KMT2D: variants seen among roughly 807,000 people sequenced by gnomAD.
KMT2D encodes lysine methyltransferase 2D.
Under a neutral mutation model 512.7 loss-of-function variants are expected in KMT2D, and 55 were observed. The ratio of observed to expected loss-of-function variants is 0.11; its 90% CI spans 0.09 to 0.13. The LOEUF (loss-of-function observed/expected upper bound fraction) is 0.13, where lower values mean the gene tolerates loss of function less well. KMT2D is among the 10% of genes least tolerant of loss of function. KMT2D has a pLI of 1.00. For missense variants in KMT2D, 6,061 were observed against 7,127.9 expected, an observed-to-expected ratio of 0.85 and a Z score of 5.39; for synonymous variants, 2,995 against 2,904.0, an observed-to-expected ratio of 1.03 and a Z score of -1.01.
In KMT2D at chr12:49,037,496, G is replaced by A. The variant is rs2120480064; in HGVS notation, c.9860C>T (p.Ser3287Phe). Residue 3287 changes from serine to phenylalanine, a missense_variant, in exon 35 of 55, where the codon TCT (serine) becomes TTT (phenylalanine). Physicochemically the swap from Ser to Phe is radical, Grantham distance 155. Around this residue, in one of 16 missense-constraint regions of KMT2D, gnomAD observed 533 missense variants for 539.6 expected, o/e 0.99. Coordinates refer to ENST00000301067, the MANE Select transcript of KMT2D (RefSeq NM_003482.4). ...CATGGCCTGGGCAGGGCCTGGTGCA[G>A]ACAGTAGGGAATGCTGCTGCTGCTG... ...QQQQQQHSLL[S>F]APGPAQAMSL... 1.3e-6 allele frequency: 2 copies of A among 1,558,510 alleles called. No homozygotes were observed. Among genetic ancestry groups the A allele is most frequent in the Non-Finnish European group, 1.7e-6 (2 of 1,151,076 alleles).
Position 49,021,666 on chromosome 12 carries a change from C to T in KMT2D, c.*114G>A, listed in dbSNP as rs1942333594. Reference sequence around the variant, plus strand: ...CCTGCTCCAGGGGCTCCGGGTCAGCCGGCAGCCCCAACCCTGGGTCCTGGC... The same window carrying T: ...CCTGCTCCAGGGGCTCCGGGTCAGCTGGCAGCCCCAACCCTGGGTCCTGGC... On this transcript the variant is annotated 3_prime_UTR_variant, in exon 55 of 55. Transcript: ENST00000301067. 4.5e-6 allele frequency: 4 copies of T among 896,252 alleles called. No individual in the cohort carries two copies. The highest frequency in any genetic ancestry group is 5.2e-6 in the Non-Finnish European group (3 of 580,720). The allele number at this position is 896,252 out of a possible 1,614,324, so 55.5% of individuals were successfully genotyped here.
At position 49,041,140 on chromosome 12, in the gene KMT2D, C is replaced by G. The variant is rs756396522; in HGVS notation, c.6630G>C (p.Pro2210=). The G allele has an allele frequency of 6.6e-7, 1 of 1,525,230 alleles. No individual in the cohort carries two copies. The highest frequency in any genetic ancestry group is 8.8e-7 in the Non-Finnish European group (1 of 1,140,218). The allele number at this position is 1,525,230 out of a possible 1,614,324, so 94.5% of individuals were successfully genotyped here. ...CAGGACGAGATGAGGCGCCCAGCATCGGGGGCTGCGCAGGGGCCCCCGTAG... is the reference window on the plus strand; with the variant it reads ...CAGGACGAGATGAGGCGCCCAGCATGGGGGGCTGCGCAGGGGCCCCCGTAG... ...PSPTGAPAQP[P]MLGASSRPGA... The change falls in exon 32 of 55, where the codon CCG becomes CCC. Residue 2210 remains proline, a synonymous_variant. Transcript: ENST00000301067. This position sits in a 1 kb window ranked among gnomAD's most constrained non-coding sequence, Gnocchi z 5.4.
Position 49,052,917 on chromosome 12 carries a change from G to A in KMT2D, c.1110C>T (p.Ser370=). ...CTCAGTCAGTCCCCACCACTTACCT[G>A]CTACACACCGGGGTATGCTGCTCAG... ...SVAEQHTPVC[S]RFSPPEPGDT... The change falls in exon 9 of 55, where the codon AGC becomes AGT. Residue 370 remains serine, a splice_region_variant and synonymous_variant. Coordinates refer to ENST00000301067, the MANE Select transcript of KMT2D (RefSeq NM_003482.4). 1.2e-6 allele frequency: 2 copies of A among 1,613,944 alleles called. No individual in the cohort carries two copies. Among genetic ancestry groups the A allele is most frequent in the Non-Finnish European group, 1.7e-6 (2 of 1,179,834 alleles).
rs1477770161 is a variant in KMT2D at position 49,037,908 on chromosome 12, G to A, written c.9448C>T (p.Leu3150Phe). The change falls in exon 35 of 55, where the codon CTT becomes TTT. Residue 3150 changes from leucine (L) to phenylalanine (F), a missense_variant. Around this residue, in one of 16 missense-constraint regions of KMT2D, gnomAD observed 533 missense variants for 539.6 expected, o/e 0.99. Coordinates refer to ENST00000301067, the MANE Select transcript of KMT2D (RefSeq NM_003482.4). ...TGTCCTGGCTTTAGCCCCAGGCCAA[G>A]GGAATTGGCAGCAGGTGCGGGCTCT... ...KVEPAPAANSLGLGLKPGQSM... is the reference protein window; with the variant it reads ...KVEPAPAANSFGLGLKPGQSM... 1.9e-6 allele frequency: 3 copies of A among 1,604,362 alleles called. No homozygotes were observed. Among genetic ancestry groups the A allele is most frequent in the Middle Eastern group, 3.3e-4 (2 of 6,056 alleles).
In KMT2D at chr12:49,046,971, A is replaced by G. The variant is rs1288626502; in HGVS notation, c.4237-181T>C. Among the ~76,000 whole-genome samples the G allele has an allele frequency of 6.6e-6, 1 of 151,854 alleles. No homozygotes were observed. The highest frequency in any genetic ancestry group is 1.5e-5 in the Non-Finnish European group (1 of 67,944). ...AGTGATTCTCTTGTCTCAGCCTCCCAAGTAGCTGAGATTACAGGCACCTGC... is the reference window on the plus strand; with the variant it reads ...AGTGATTCTCTTGTCTCAGCCTCCCGAGTAGCTGAGATTACAGGCACCTGC... On this transcript the variant is annotated intron_variant, in intron 15 of 54. Coordinates refer to ENST00000301067, the MANE Select transcript of KMT2D (RefSeq NM_003482.4). This position sits in a 1 kb window ranked among gnomAD's most constrained non-coding sequence, Gnocchi z 4.2.
At position 49,054,486 on chromosome 12, in the gene KMT2D, C is replaced by T. The variant is rs2120709944; in HGVS notation, c.400+42G>A. On this transcript the variant is annotated intron_variant, in intron 4 of 54. Coordinates refer to ENST00000301067, the MANE Select transcript of KMT2D (RefSeq NM_003482.4). The surrounding 1 kb of genome is among the most constrained non-coding windows in gnomAD (Gnocchi z 6.4). ...AAAGAGGATTGCTGGCTCAGGACTA[C>T]CCAGCCCTTATCCCATTTCCTGCCC... The T allele has an allele frequency of 6.3e-7, 1 of 1,580,824 alleles. No individual in the cohort carries two copies.
In KMT2D at chr12:49,021,724, T is replaced by G; in HGVS notation, c.*56A>C. On this transcript the variant is annotated 3_prime_UTR_variant, in exon 55 of 55. Transcript: ENST00000301067. ...GCTACCTCTCTTCCCCCTCATCCCT[T>G]TCAGGGAAGAGGTTGTGGGTAGGGG... The G allele has an allele frequency of 7.3e-7, 1 of 1,373,796 alleles. No homozygotes were observed. The highest frequency in any genetic ancestry group is 1.0e-6 in the Non-Finnish European group (1 of 964,790). The allele number at this position is 1,373,796 out of a possible 1,614,324, so 85.1% of individuals were successfully genotyped here. A position where few individuals can be genotyped will look rare whatever the true frequency, so the allele number is the denominator to read the frequency against.
Position 49,019,426 on chromosome 12 carries a change from C to A in KMT2D, c.*2354G>T, listed in dbSNP as rs537330938. ...ACAGGCAGGGTACTTAAAAAAAAAACCAACCAAAATTCCAACCTTGTAGCT... is the reference window on the plus strand; with the variant it reads ...ACAGGCAGGGTACTTAAAAAAAAAAACAACCAAAATTCCAACCTTGTAGCT... On this transcript the variant is annotated 3_prime_UTR_variant, in exon 55 of 55. Transcript: ENST00000301067. 3.4e-4 allele frequency: 74 copies of A among 220,422 alleles called. No homozygotes were observed. The highest frequency in any genetic ancestry group is 7.3e-4 in the South Asian group (4 of 5,464). The allele number at this position is 220,422 out of a possible 1,614,324, so 13.7% of individuals were successfully genotyped here.
At chr12:49,043,274 CCT>C (rs1943623175) in intron 25 of KMT2D, 87 bp downstream of exon 25, 67 of 1,552,706 alleles carry the variant, frequency 4.3e-5, no homozygotes, top group Non-Finnish European at 5.8e-5. Flanking sequence ...CAGTTTCCAG[CCT>C]CCAACACTGA....
In KMT2D at chr12:49,031,795, G is replaced by A. The variant is rs1310000069; in HGVS notation, c.12910C>T (p.Pro4304Ser). 2.5e-6 allele frequency: 4 copies of A among 1,602,220 alleles called. No homozygotes were observed. Among genetic ancestry groups the A allele is most frequent in the Non-Finnish European group, 2.6e-6 (3 of 1,173,542 alleles). ...GALSTGPVLG[P>S]VHPTPPPSSP... is the part of the protein sequence containing the mutation. ...GATGGTGGAGGTGTGGGATGGACAG[G>A]GCCAAGGACTGGTCCTGTAGATAAG... The change falls in exon 40 of 55, where the codon CCT becomes TCT. Residue 4304 changes from proline (P) to serine (S), a missense_variant. Pro to Ser is a moderately conservative substitution (Grantham distance 74). This residue lies in a region of KMT2D where 1,600 missense variants were observed against 1,754.9 expected (regional missense o/e 0.91). Coordinates refer to ENST00000301067, the MANE Select transcript of KMT2D (RefSeq NM_003482.4).
At chr12:49,045,410 G>A (rs1417831788) in intron 19 of KMT2D, among the ~76,000 whole-genome samples, 3 of 152,158 alleles carry the variant, frequency 2.0e-5, no homozygotes, top group Non-Finnish European at 2.9e-5. Flanking sequence ...TTGGGAGGCC[G>A]AGGCTGGCAG....
In KMT2D at chr12:49,043,931, C is replaced by T. The variant is rs2120575730; in HGVS notation, c.5256G>A (p.Lys1752=). The change falls in exon 23 of 55, where the codon AAG becomes AAA. Residue 1752 remains lysine (K), a synonymous_variant. Coordinates refer to ENST00000301067, the MANE Select transcript of KMT2D (RefSeq NM_003482.4). ...TCTTGCGCCCTCGCCGCTGTTGCTT[C>T]TTCTTCTCATCCCCTTCAGCTAAGC... ...EQSLAEGDEK[K]KQQRRGRKKS... 1 of 1,614,046 alleles carries T rather than the reference C, an allele frequency of 6.2e-7. No homozygotes were observed. Among genetic ancestry groups the T allele is most frequent in the Non-Finnish European group, 8.5e-7 (1 of 1,179,900 alleles).
At position 49,041,773 on chromosome 12, in the gene KMT2D, G is replaced by A. The variant is rs1943544020; in HGVS notation, c.6184-68C>T. The A allele has an allele frequency of 3.2e-6, 5 of 1,550,876 alleles. No homozygotes were observed. In the South Asian group the frequency reaches 5.8e-5, roughly 18 times the overall value. ...TCATGCCCCGCCCCCATACTGTAGTGTTTTCACACTCCCTACCCAGAAGCA... is the reference window on the plus strand; with the variant it reads ...TCATGCCCCGCCCCCATACTGTAGTATTTTCACACTCCCTACCCAGAAGCA... On this transcript the variant is annotated intron_variant, in intron 30 of 54. Transcript: ENST00000301067. The surrounding 1 kb of genome is among the most constrained non-coding windows in gnomAD (Gnocchi z 5.4).
In KMT2D at chr12:49,037,793, G is replaced by C. The variant is rs762206028; in HGVS notation, c.9563C>G (p.Thr3188Arg). The C allele has an allele frequency of 6.3e-7, 1 of 1,596,556 alleles. No individual in the cohort carries two copies. Among genetic ancestry groups the C allele is most frequent in the Non-Finnish European group, 8.5e-7 (1 of 1,171,422 alleles). ...HTAEKASFGA[T>R]GGPPAHLLTP... The stretch of plus-strand genomic sequence containing the variant: ...CAGCAGGTGAGCTGGTGGTCCTCCC[G>C]TGGCCCCAAAGGAGGCCTTCTCAGC... The change falls in exon 35 of 55, where the codon ACG becomes AGG. Residue 3188 changes from threonine to arginine, a missense_variant. By Grantham distance (71) the Thr-to-Arg change is moderately conservative. Coordinates refer to ENST00000301067, the MANE Select transcript of KMT2D (RefSeq NM_003482.4).
At chr12:49,058,903 C>T (rs1438611335) in intron 1 of KMT2D, among the ~76,000 whole-genome samples, 24 of 152,166 alleles carry the variant, frequency 1.6e-4, no homozygotes, top group Admixed American at 1.6e-3. Context: ...AGATTAGATC[C>T]ATCCCAAGAG....
chr12:49,042,860 G>A lies in KMT2D; in HGVS notation c.5663C>T (p.Ser1888Phe). The change falls in exon 27 of 55, where the codon TCC becomes TTC. Residue 1888 changes from serine to phenylalanine, a missense_variant. By Grantham distance (155) the Ser-to-Phe change is radical. This residue lies in a region of KMT2D where 640 missense variants were observed against 814.3 expected (regional missense o/e 0.79). Transcript: ENST00000301067. The surrounding 1 kb of genome is among the most constrained non-coding windows in gnomAD (Gnocchi z 4.4). ...CTTGAAGAGCTGCTGCAGGTCCTTG[G>A]ATTCCATCTTGGGCAGTTCTGTGGG... is the stretch of plus-strand genomic sequence containing the variant. The part of the protein sequence containing the change: ...ISTEELPKME[S>F]KDLQQLFKDV... 14 of 1,613,936 alleles carry A rather than the reference G, an allele frequency of 8.7e-6. No homozygotes were observed. Among genetic ancestry groups the A allele is most frequent in the Non-Finnish European group, 1.1e-5 (13 of 1,179,850 alleles).
intron 14 of KMT2D, 116 bp from the exon 15 acceptor site, chr12:49,048,185 C>A (rs1353135482): frequency 5.9e-6 from 4 of 674,142 alleles, no homozygotes; most frequent in African/African-American, 1.8e-5. Flanking sequence ...CCCCATCCCA[C>A]AGCGTTAGGA....
chr12:49,028,794 T>C (rs1565765150), intron 46 of KMT2D, 34 bp downstream of exon 46: 3 of 1,610,422 alleles, frequency 1.9e-6, no homozygotes, highest in East Asian at 2.2e-5. Flanking sequence ...TCTGATCAGG[T>C]TCCCCTCAGC....
Position 49,019,017 on chromosome 12 carries a change from AACTTGGAAG to A in KMT2D, c.*2754_*2762del. The A allele has an allele frequency of 7.2e-7, 1 of 1,388,986 alleles. No homozygotes were observed. Among genetic ancestry groups the A allele is most frequent in the East Asian group, 2.8e-5 (1 of 36,304 alleles). 86.0% of individuals were successfully genotyped at this position (1,388,986 alleles called of 1,614,324 possible). The stretch of plus-strand genomic sequence containing the variant: ...TTTTTTTATTTGTCGTTTAAAAACA[AACTTGGAAG>A]AAGCAAAATCCAAAACTTGCCCTTT... On this transcript the variant is annotated 3_prime_UTR_variant, in exon 55 of 55. Coordinates refer to ENST00000301067, the MANE Select transcript of KMT2D (RefSeq NM_003482.4).
Sources: gnomAD v4.1 joint callset for allele counts (sites outside exome capture counted in the v4.1 genomes callset) on GRCh38, gnomAD v4.1.1 for gene constraint, gnomAD v4.1.1 regional missense constraint, Gnocchi (gnomAD v3.1) non-coding constraint, MANE v1.5 for transcripts, NCBI Gene and HGNC (gene_info 2026-07-23, HGNC 2026-07-21) for gene names.